MYO1G: variants seen among roughly 807,000 people sequenced by gnomAD.
MYO1G encodes the protein myosin IG.
A neutral mutation model predicts 115.3 loss-of-function variants in MYO1G; 65 were observed. The observed-to-expected ratio is 0.56, with a 90% confidence interval of 0.46 to 0.69. The LOEUF (loss-of-function observed/expected upper bound fraction) is 0.69, where lower values mean the gene tolerates loss of function less well. Ranked by LOEUF, MYO1G falls within the 30% of genes least tolerant of loss-of-function variation. MYO1G has a pLI of 0.00. For missense variants in MYO1G, 1,204 were observed against 1,393.5 expected (o/e 0.86, Z 2.16); for synonymous variants, 510 against 552.6 (o/e 0.92, Z 1.08).
intron 3 of MYO1G, among the ~76,000 whole-genome samples, chr7:44,976,286 A>G (rs1795047486): frequency 6.6e-6 from 1 of 152,056 alleles, no homozygotes; most frequent in South Asian, 2.1e-4. Context: ...GCCCTGCTGC[A>G]CTTCTCCTCA....
rs60610358 is a variant in MYO1G at position 44,972,348 on chromosome 7, A to G, written c.619-123T>C. On this transcript the variant is annotated intron_variant, in intron 5 of 21. Coordinates refer to ENST00000258787, the MANE Select transcript of MYO1G (RefSeq NM_033054.3). ...AGTATTGAACGAACAAACGTGGGGG[A>G]AGGTCAGACAGTGTGAACAGTTTCT... 6.3e-3 allele frequency: 4,487 copies of G among 714,000 alleles called. 135 individuals are homozygous for G. In the African/African-American group the frequency reaches 0.068, roughly 11 times the overall value. The allele number at this position is 714,000 out of a possible 1,614,324, so 44.2% of individuals were successfully genotyped here.
At position 44,978,991 on chromosome 7, in the gene MYO1G, T is replaced by C; in HGVS notation, c.-30A>G. On this transcript the variant is annotated 5_prime_UTR_variant, in exon 1 of 22. Coordinates refer to ENST00000258787, the MANE Select transcript of MYO1G (RefSeq NM_033054.3). ...CCGGCTGGAAACACCTTGCCTCACC[T>C]TCCTGTGCCTGCTGGAAGGACAGTG... The C allele has an allele frequency of 6.2e-7, 1 of 1,607,484 alleles. No homozygotes were observed. The highest frequency in any genetic ancestry group is 8.5e-7 in the Non-Finnish European group (1 of 1,174,058).
intron 17 of MYO1G, 71 bp downstream of exon 17, chr7:44,965,566 C>G: frequency 6.9e-7 from 1 of 1,440,016 alleles, no homozygotes; most frequent in African/African-American, 1.4e-5. Context: ...GCACTGCAGG[C>G]CCGGGATGAT....
At chr7:44,971,515 A>G (rs1446664060) in intron 7 of MYO1G, among the ~76,000 whole-genome samples, 158 bp downstream of exon 7, 1 of 152,122 alleles carries the variant, frequency 6.6e-6, no homozygotes, top group African/African-American at 2.4e-5. Flanking sequence ...GTATCAACTG[A>G]GCTCATCACT....
chr7:44,974,928 C>T (rs1795020516), intron 5 of MYO1G: 1 of 577,452 alleles, frequency 1.7e-6, no homozygotes, highest in Admixed American at 2.9e-5. Context: ...GAGCCCTCAT[C>T]TGGAGGTGTC....
rs201269538 is a variant in MYO1G at position 44,970,950 on chromosome 7, C to T, written c.956G>A (p.Arg319Gln). Residue 319 changes from arginine (R) to glutamine (Q), a missense_variant, in exon 8 of 22, where the codon CGG (arginine) becomes CAG (glutamine). By Grantham distance (43) the Arg-to-Gln change is conservative (BLOSUM62 1). Transcript: ENST00000258787. ...CAGCAGGGAGCGGAGCACGAGGTCC[C>T]GGGGTGTGGCCGTCAGCTCAGCCAC... ...DHVAELTATPRDLVLRSLLAR... is the reference protein window; with the variant it reads ...DHVAELTATPQDLVLRSLLAR... 37 of 1,613,464 alleles carry T rather than the reference C, an allele frequency of 2.3e-5. No individual in the cohort carries two copies. In the East Asian group the frequency reaches 3.1e-4, roughly 14 times the overall value.
At chr7:44,967,465 G>A (rs1024565556) in intron 14 of MYO1G, 140 bp downstream of exon 14, 3 of 1,138,174 alleles carry the variant, frequency 2.6e-6, no homozygotes, top group African/African-American at 1.5e-5. Flanking sequence ...CACTGCTGGA[G>A]CAGATGTGGC....
intron 1 of MYO1G, among the ~76,000 whole-genome samples, chr7:44,978,597 T>G (rs1183607584): frequency 6.6e-6 from 1 of 152,220 alleles, no homozygotes; most frequent in Non-Finnish European, 1.5e-5. Context: ...ATGCCTGGAC[T>G]GTGTGGGAGG....
Position 44,978,904 on chromosome 7 carries a change from C to G in MYO1G, c.58G>C (p.Val20Leu). 1 of 1,614,214 alleles carries G rather than the reference C, an allele frequency of 6.2e-7. No individual in the cohort carries two copies. The highest frequency in any genetic ancestry group is 8.5e-7 in the Non-Finnish European group (1 of 1,180,024). The change falls in exon 1 of 22, where the codon GTG becomes CTG. Residue 20 changes from valine to leucine, a missense_variant. Transcript: ENST00000258787. ...GKPDFVLLDQ[V>L]TMEDFMRNLQ... is the part of the protein sequence containing the mutation. Reference sequence around the variant, plus strand: ...TTCCTCATGAAGTCCTCCATGGTCACTTGGTCCAAAAGCACAAAGTCAGGT... The same window carrying G: ...TTCCTCATGAAGTCCTCCATGGTCAGTTGGTCCAAAAGCACAAAGTCAGGT...
intron 5 of MYO1G, 168 bp from the exon 6 acceptor site, chr7:44,972,393 A>T: frequency 1.7e-6 from 1 of 603,178 alleles, no homozygotes; most frequent in Middle Eastern, 4.5e-4. Flanking sequence ...CAAGCTCCCC[A>T]TTCAGCTGTT....
Position 44,964,401 on chromosome 7 carries a change from G to C in MYO1G, c.2631+14C>G. The C allele has an allele frequency of 6.2e-7, 1 of 1,607,238 alleles. No individual in the cohort carries two copies. Among genetic ancestry groups the C allele is most frequent in the Non-Finnish European group, 8.5e-7 (1 of 1,173,898 alleles). The stretch of plus-strand genomic sequence containing the variant: ...AGAGCACAGCCCTGAAGCCATCCTT[G>C]TCCCTTGTCTAACCTTGCGGACATG... On this transcript the variant is annotated intron_variant, in intron 19 of 21. Transcript: ENST00000258787. The surrounding 1 kb of genome is among the most constrained non-coding windows in gnomAD (Gnocchi z 5.1).
rs141659886 is a variant in MYO1G at position 44,967,066 on chromosome 7, G to A, written c.1783-228C>T. 8.8e-4 allele frequency among the ~76,000 whole-genome samples: 134 copies of A among 152,316 alleles called. 3 individuals are homozygous for A. The East Asian group carries it at 0.016, about 18-fold the overall frequency. The stretch of plus-strand genomic sequence containing the variant: ...GCCCCTGGTCGGGGGGTGGGGAGGT[G>A]GGCGTGGCAGGGGCAGGAGCAGGCC... On this transcript the variant is annotated intron_variant, in intron 14 of 21. Transcript: ENST00000258787.
Position 44,974,727 on chromosome 7 carries a change from G to A in MYO1G, c.618+447C>T, listed in dbSNP as rs573744002. 3.6e-5 allele frequency: 7 copies of A among 193,966 alleles called. No individual in the cohort carries two copies. In the East Asian group the frequency reaches 4.5e-4, roughly 13 times the overall value. The allele number at this position is 193,966 out of a possible 1,614,324, so 12.0% of individuals were successfully genotyped here. On this transcript the variant is annotated intron_variant, in intron 5 of 21. Transcript: ENST00000258787. ...TTCCAGGGAGCTCCCACCTCAGTGGGGTGTCAAAGCTTGTGGAGACAGTCC... is the reference window on the plus strand; with the variant it reads ...TTCCAGGGAGCTCCCACCTCAGTGGAGTGTCAAAGCTTGTGGAGACAGTCC...
At position 44,963,948 on chromosome 7, in the gene MYO1G, A is replaced by C; in HGVS notation, c.2745+101T>G. ...GCTGAGTTTTAGGATGGTCTGGGCC[A>C]TCTCAGGTAAACAGGGGAGAGAAGA... On this transcript the variant is annotated intron_variant, in intron 20 of 21. Transcript: ENST00000258787. This position sits in a 1 kb window ranked among gnomAD's most constrained non-coding sequence, Gnocchi z 4.1. 1 of 985,196 alleles carries C rather than the reference A, an allele frequency of 1.0e-6. No individual in the cohort carries two copies. Among genetic ancestry groups the C allele is most frequent in the Non-Finnish European group, 1.5e-6 (1 of 649,278 alleles). 61.0% of individuals were successfully genotyped at this position (985,196 alleles called of 1,614,324 possible). A position where few individuals can be genotyped will look rare whatever the true frequency, so the allele number is the denominator to read the frequency against.
chr7:44,964,793 A>G lies in MYO1G; in HGVS notation c.2526+152T>C. 1 of 1,210,466 alleles carries G rather than the reference A, an allele frequency of 8.3e-7. No homozygotes were observed. The allele number at this position is 1,210,466 out of a possible 1,614,324, so 75.0% of individuals were successfully genotyped here. On this transcript the variant is annotated intron_variant, in intron 18 of 21. Coordinates refer to ENST00000258787, the MANE Select transcript of MYO1G (RefSeq NM_033054.3). The surrounding 1 kb of genome is among the most constrained non-coding windows in gnomAD (Gnocchi z 5.1). The stretch of plus-strand genomic sequence containing the variant: ...TGAAGCCCAGGATGAGACCTTGCAG[A>G]GCTCTGGTGGGGGCTGAGGTACAGG...
rs1794838164 is a variant in MYO1G, at chr7:44,966,148, G to A, written c.2082C>T (p.Arg694=). The change falls in exon 16 of 22, where the codon CGC becomes CGT. Residue 694 remains arginine, a synonymous_variant. Coordinates refer to ENST00000258787, the MANE Select transcript of MYO1G (RefSeq NM_033054.3). This position sits in a 1 kb window ranked among gnomAD's most constrained non-coding sequence, Gnocchi z 5.0. ...VAFGHSKLFI[R]SPRTLVTLEQ... ...CCAGTGTGACCAGTGTCCGGGGTGA[G>A]CGGATGAACAGCTTGCTGTGGCCAA... 6.2e-7 allele frequency: 1 copy of A among 1,613,150 alleles called. No homozygotes were observed. The highest frequency in any genetic ancestry group is 1.3e-5 in the African/African-American group (1 of 75,060).
At chr7:44,972,090 A>G (rs773476368) in intron 6 of MYO1G, 25 bp downstream of exon 6, 10 of 1,575,830 alleles carry the variant, frequency 6.3e-6, no homozygotes, top group Non-Finnish European at 8.7e-6. Context: ...GCCCAGTTTG[A>G]GCCCTTGGTG....
rs200123999 is a variant in MYO1G at position 44,967,672 on chromosome 7, C to T, written c.1715G>A (p.Arg572His). 4.3e-6 allele frequency: 7 copies of T among 1,613,824 alleles called. No homozygotes were observed. The highest frequency in any genetic ancestry group is 2.2e-5 in the East Asian group (1 of 44,886). Residue 572 changes from arginine (R) to histidine (H), a missense_variant, in exon 14 of 22, where the codon CGC becomes CAC. Physicochemically the swap from Arg to His is conservative, Grantham distance 29. Transcript: ENST00000258787. Reference protein sequence around the residue: ...GQQDITEVTKRPLTAGTLFKN... With the variant: ...GQQDITEVTKHPLTAGTLFKN... ...GAAGAGTGTGCCAGCCGTCAGGGGG[C>T]GCTTGGTCACCTCTGTGATGTCCTG...
At position 44,964,216 on chromosome 7, in the gene MYO1G, C is replaced by T; in HGVS notation, c.2632-54G>A. On this transcript the variant is annotated intron_variant, in intron 19 of 21. Transcript: ENST00000258787. The surrounding 1 kb of genome is among the most constrained non-coding windows in gnomAD (Gnocchi z 5.1). Reference sequence around the variant, plus strand: ...GGTGCTGCCCTGTCACCCACCAGGGCCCCAGGCTTCGGCAGTCCCTACTGC... The same window carrying T: ...GGTGCTGCCCTGTCACCCACCAGGGTCCCAGGCTTCGGCAGTCCCTACTGC... 1 of 1,493,754 alleles carries T rather than the reference C, an allele frequency of 6.7e-7. No homozygotes were observed. The highest frequency in any genetic ancestry group is 9.2e-7 in the Non-Finnish European group (1 of 1,092,124). The allele number at this position is 1,493,754 out of a possible 1,614,324, so 92.5% of individuals were successfully genotyped here.
Sources: allele counts gnomAD v4.1 joint callset (sites outside exome capture counted in the v4.1 genomes callset), GRCh38; gene constraint gnomAD v4.1.1; non-coding constraint Gnocchi (gnomAD v3.1); transcripts MANE v1.5; gene names NCBI Gene and HGNC (gene_info 2026-07-23, HGNC 2026-07-21).